The following GRIN2A variants were observed in gnomAD, a reference collection of about 807,000 sequenced individuals.
GRIN2A encodes the protein glutamate receptor ionotropic, NMDA 2A.
Under a neutral mutation model 113.4 loss-of-function variants are expected in GRIN2A, and 22 were observed. That is an observed-to-expected ratio of 0.19 (90% confidence interval 0.14 to 0.28). The LOEUF (loss-of-function observed/expected upper bound fraction) is 0.28, where lower values mean the gene tolerates loss of function less well. GRIN2A is among the 10% of genes least tolerant of loss of function. The probability of loss-of-function intolerance (pLI) is 1.00; values close to 1 mark genes in which losing one functional copy is unlikely to be tolerated. For synonymous variants in GRIN2A, 827 were observed against 738.4 expected (o/e 1.12, Z -1.94); for missense variants, 1,502 against 1,887.0 (o/e 0.80, Z 3.78).
intron 2 of GRIN2A, among the ~76,000 whole-genome samples, chr16:9,945,154 C>G (rs185686728): frequency 6.6e-6 from 1 of 152,142 alleles, no homozygotes; most frequent in East Asian, 1.9e-4. Context: ...TAAGACCCAT[C>G]TCAAATTTTA....
At chr16:10,116,361 G>A (rs2048728186) in intron 2 of GRIN2A, among the ~76,000 whole-genome samples, 1 of 152,184 alleles carries the variant, frequency 6.6e-6, no homozygotes, top group Non-Finnish European at 1.5e-5. Context: ...AATGCATATG[G>A]GGCTTAATAC....
intron 11 of GRIN2A, among the ~76,000 whole-genome samples, chr16:9,774,396 G>A (rs1365775870): frequency 1.3e-5 from 2 of 152,158 alleles, no homozygotes; most frequent in Non-Finnish European, 2.9e-5. Context: ...AATACACTCA[G>A]GTATTAATAC....
chr16:10,025,401 C>G (rs1172655764), intron 2 of GRIN2A, among the ~76,000 whole-genome samples: 1 of 147,286 alleles, frequency 6.8e-6, no homozygotes, highest in Middle Eastern at 3.3e-3. Flanking sequence ...CTCCTGGGCT[C>G]AGGCATCCTC....
At chr16:9,841,394 T>C (rs1358363477) in intron 5 of GRIN2A, among the ~76,000 whole-genome samples, 1 of 152,154 alleles carries the variant, frequency 6.6e-6, no homozygotes, top group African/African-American at 2.4e-5. Context: ...TTTTCTGAAT[T>C]AGTTGATATT....
intron 10 of GRIN2A, among the ~76,000 whole-genome samples, chr16:9,802,561 C>A (rs1381958954): frequency 6.6e-6 from 1 of 152,166 alleles, no homozygotes; most frequent in Non-Finnish European, 1.5e-5. Flanking sequence ...GACATCATCC[C>A]ACTGAGGCCT....
At chr16:10,127,289 T>C (rs1304069459) in intron 2 of GRIN2A, among the ~76,000 whole-genome samples, 1 of 151,936 alleles carries the variant, frequency 6.6e-6, no homozygotes, top group Non-Finnish European at 1.5e-5. Context: ...GTTTATTGGC[T>C]GTATGTTCAA....
chr16:9,877,470 C>T (rs533871593), intron 4 of GRIN2A, among the ~76,000 whole-genome samples: 2 of 152,162 alleles, frequency 1.3e-5, no homozygotes, highest in South Asian at 4.2e-4. Context: ...CTCATAAGCC[C>T]CCTACCCACC....
intron 2 of GRIN2A, among the ~76,000 whole-genome samples, chr16:10,124,920 G>A (rs532931552): frequency 1.3e-5 from 2 of 152,264 alleles, no homozygotes; most frequent in South Asian, 2.1e-4. Flanking sequence ...AGAAGTCATC[G>A]TCAACCAGTG....
At chr16:10,144,383 G>A (rs535162483) in intron 2 of GRIN2A, among the ~76,000 whole-genome samples, 1 of 152,190 alleles carries the variant, frequency 6.6e-6, no homozygotes, top group African/African-American at 2.4e-5. Context: ...CACTCGTTGT[G>A]GTTTTGTGTT....
At chr16:9,804,754 C>G (rs1324812944) in intron 10 of GRIN2A, among the ~76,000 whole-genome samples, 1 of 152,148 alleles carries the variant, frequency 6.6e-6, no homozygotes, top group Non-Finnish European at 1.5e-5. Context: ...GAATGCCATG[C>G]TATGCTGGCT....
At chr16:9,943,889 T>G (rs760508518) in intron 2 of GRIN2A, among the ~76,000 whole-genome samples, 1 of 152,220 alleles carries the variant, frequency 6.6e-6, no homozygotes, top group East Asian at 1.9e-4. Flanking sequence ...ACTTTAAAGC[T>G]GATTTATTAG....
chr16:10,133,571 C>A (rs2049117600), intron 2 of GRIN2A, among the ~76,000 whole-genome samples: 1 of 152,180 alleles, frequency 6.6e-6, no homozygotes, highest in Admixed American at 6.5e-5. Flanking sequence ...CATGCCACTG[C>A]ACTCCAGCCT....
chr16:10,043,588 C>G (rs536034239), intron 2 of GRIN2A, among the ~76,000 whole-genome samples: 19 of 152,266 alleles, frequency 1.2e-4, no homozygotes, highest in African/African-American at 4.6e-4. Context: ...TTTCAATTAT[C>G]TCAGCTAGGG....
At chr16:9,780,091 A>G (rs2141180020) in intron 11 of GRIN2A, among the ~76,000 whole-genome samples, 1 of 152,342 alleles carries the variant, frequency 6.6e-6, no homozygotes, top group Non-Finnish European at 1.5e-5. Context: ...CTGTTGCACA[A>G]GCCAGCTTTA....
At chr16:9,902,655 C>T (rs1165900347) in intron 3 of GRIN2A, among the ~76,000 whole-genome samples, 1 of 152,200 alleles carries the variant, frequency 6.6e-6, no homozygotes, top group Non-Finnish European at 1.5e-5. Flanking sequence ...AACCTCCCTA[C>T]ACCTCAGTTG....
rs917018008 is a variant in GRIN2A, at chr16:9,968,343, C to T, written c.415-29792G>A. Among the ~76,000 whole-genome samples, 8 of 152,174 alleles carry T rather than the reference C, an allele frequency of 5.3e-5. No homozygotes were observed. In the East Asian group the frequency reaches 7.7e-4, roughly 15 times the overall value. ...ATGTATGTATTTAGAGATGGAGTTT[C>T]GCTCTTATTACCCAGGCTGGAGTGC... On this transcript the variant is annotated intron_variant, in intron 2 of 12. Transcript: ENST00000330684.
At chr16:9,920,140 G>T (rs147598819) in intron 3 of GRIN2A, among the ~76,000 whole-genome samples, 2 of 152,170 alleles carry the variant, frequency 1.3e-5, no homozygotes, top group Admixed American at 6.5e-5. Context: ...GACTGTGTGT[G>T]TCTCATACTT....
chr16:10,159,335 C>A (rs1280813577), intron 2 of GRIN2A, among the ~76,000 whole-genome samples: 1 of 152,148 alleles, frequency 6.6e-6, no homozygotes, highest in Non-Finnish European at 1.5e-5. Context: ...GTATGAGGCA[C>A]CCATGGCCAT....
chr16:9,971,780 C>T (rs1422024678), intron 2 of GRIN2A, among the ~76,000 whole-genome samples: 2 of 151,928 alleles, frequency 1.3e-5, no homozygotes, highest in African/African-American at 4.8e-5. Context: ...GATTCCCTCC[C>T]ACACCCAAAC....
Sources: allele counts gnomAD v4.1 joint callset (sites outside exome capture counted in the v4.1 genomes callset), GRCh38; gene constraint gnomAD v4.1.1; transcripts MANE v1.5; gene names NCBI Gene and HGNC (gene_info 2026-07-23, HGNC 2026-07-21).